The following GRIK2 variants were observed in gnomAD, a reference collection of about 807,000 sequenced individuals.
GRIK2 encodes glutamate receptor ionotropic, kainate 2.
GRIK2 carries 32 observed loss-of-function variants against 100.3 expected under a neutral mutation model. That is an observed-to-expected ratio of 0.32 (90% confidence interval 0.24 to 0.43). The LOEUF (loss-of-function observed/expected upper bound fraction) is 0.43. Among genes scored for constraint, GRIK2 ranks in the 20% least tolerant of loss-of-function variants. The pLI is 1.00. For missense variants in GRIK2, 843 were observed against 1,114.9 expected, an observed-to-expected ratio of 0.76 and a Z score of 3.47; for synonymous variants, 417 against 389.4, an observed-to-expected ratio of 1.07 and a Z score of -0.83.
At chr6:101,401,235 A>G (rs1479223286) in intron 2 of GRIK2, among the ~76,000 whole-genome samples, 1 of 152,172 alleles carries the variant, frequency 6.6e-6, no homozygotes, top group Non-Finnish European at 1.5e-5. Context: ...TAAGGATTTA[A>G]TTATTGCCGC....
At chr6:101,602,146 A>G (rs1313804585) in intron 2 of GRIK2, among the ~76,000 whole-genome samples, 1 of 151,690 alleles carries the variant, frequency 6.6e-6, no homozygotes, top group African/African-American at 2.4e-5. Context: ...ATTTCAAAGA[A>G]TATTTTGTTC....
chr6:101,540,899 T>C (rs1305379121), intron 2 of GRIK2, among the ~76,000 whole-genome samples: 2 of 152,104 alleles, frequency 1.3e-5, no homozygotes, highest in African/African-American at 2.4e-5. Context: ...CTTTACATGA[T>C]ATATTAGAGC....
At chr6:101,634,705 T>G (rs539653155) in intron 4 of GRIK2, among the ~76,000 whole-genome samples, 1 of 152,194 alleles carries the variant, frequency 6.6e-6, no homozygotes, top group African/African-American at 2.4e-5. Context: ...TACATTCTTT[T>G]CATTAGTGAA....
intron 7 of GRIK2, among the ~76,000 whole-genome samples, chr6:101,728,097 A>G (rs973790581): frequency 6.6e-6 from 1 of 152,084 alleles, no homozygotes; most frequent in Admixed American, 6.6e-5. Context: ...ATAATCAAAA[A>G]TATCTAATTT....
chr6:101,467,957 G>A, intron 2 of GRIK2, among the ~76,000 whole-genome samples: 1 of 148,640 alleles, frequency 6.7e-6, no homozygotes, highest in African/African-American at 2.5e-5. Flanking sequence ...TGGCAAGGAT[G>A]TAGGAGTGTC....
At chr6:101,562,770 G>A (rs1380581380) in intron 2 of GRIK2, among the ~76,000 whole-genome samples, 1 of 152,008 alleles carries the variant, frequency 6.6e-6, no homozygotes, top group African/African-American at 2.4e-5. Context: ...CAAGTTGAGT[G>A]CCATATACTC....
chr6:101,576,703 CTATT>C (rs1374123707), intron 2 of GRIK2, among the ~76,000 whole-genome samples: 3 of 151,966 alleles, frequency 2.0e-5, no homozygotes, highest in Non-Finnish European at 2.9e-5. Flanking sequence ...ATTTAGGTAT[CTATT>C]TAAGAAAAAT....
chr6:101,794,961 G>C (rs1780190045), intron 7 of GRIK2, among the ~76,000 whole-genome samples: 2 of 151,654 alleles, frequency 1.3e-5, no homozygotes, highest in African/African-American at 4.9e-5. Context: ...TGCCTCCCGG[G>C]TTCAAGCCAT....
chr6:101,397,130 T>C (rs1466428657), intron 1 of GRIK2, among the ~76,000 whole-genome samples: 1 of 152,172 alleles, frequency 6.6e-6, no homozygotes, highest in Non-Finnish European at 1.5e-5. Flanking sequence ...TTTTCTCAGG[T>C]TCCAATAAAT....
chr6:101,533,716 G>A lies in GRIK2; in HGVS notation c.116-88233G>A, dbSNP rs552865056. On this transcript the variant is annotated intron_variant, in intron 2 of 16. Transcript: ENST00000369134. ...GGGCAGTGCAGAGACAATGTGAATC[G>A]TGCTCTGGGTTTGAATGTAAGTGCC... Among the ~76,000 whole-genome samples, 189 of 152,008 alleles carry A rather than the reference G, an allele frequency of 1.2e-3. 1 individual carries two copies. The highest frequency in any genetic ancestry group is 4.0e-3 in the African/African-American group (167 of 41,498).
chr6:101,958,365 T>C (rs1792078407), intron 14 of GRIK2, among the ~76,000 whole-genome samples: 1 of 151,622 alleles, frequency 6.6e-6, no homozygotes, highest in South Asian at 2.1e-4. Context: ...CTGACCTTTA[T>C]ACATTGATTT....
intron 2 of GRIK2, among the ~76,000 whole-genome samples, chr6:101,420,821 A>G (rs1296877838): frequency 6.6e-6 from 1 of 152,142 alleles, no homozygotes; most frequent in African/African-American, 2.4e-5. Flanking sequence ...AGAGGTATTT[A>G]TATTGTATTA....
At chr6:101,721,311 T>C (rs1040354539) in intron 7 of GRIK2, among the ~76,000 whole-genome samples, 1 of 151,950 alleles carries the variant, frequency 6.6e-6, no homozygotes, top group Admixed American at 6.6e-5. Context: ...TCCCAACATT[T>C]TGGGAGGCCG....
At chr6:101,581,793 A>G (rs1778111565) in intron 2 of GRIK2, among the ~76,000 whole-genome samples, 1 of 152,188 alleles carries the variant, frequency 6.6e-6, no homozygotes, top group African/African-American at 2.4e-5. Flanking sequence ...ATAAAATGTT[A>G]GAAGTAAAAT....
chr6:101,615,422 A>G (rs966150224), intron 2 of GRIK2, among the ~76,000 whole-genome samples: 2 of 151,786 alleles, frequency 1.3e-5, no homozygotes, highest in Non-Finnish European at 3.0e-5. Flanking sequence ...ACTACACAGG[A>G]GTCTCCAGAT....
chr6:101,824,087 G>A (rs986511075), intron 10 of GRIK2, among the ~76,000 whole-genome samples: 32 of 151,914 alleles, frequency 2.1e-4, no homozygotes, highest in African/African-American at 7.0e-4. Context: ...CGGTGACCAT[G>A]TTGGTCAGGC....
At chr6:101,797,676 C>A (rs1349253983) in intron 7 of GRIK2, among the ~76,000 whole-genome samples, 4 of 24,504 alleles carry the variant, frequency 1.6e-4, no homozygotes, top group African/African-American at 9.0e-4. Context: ...CCATAATAAA[C>A]CATTATATAT....
chr6:101,443,266 C>G (rs1770182011), intron 2 of GRIK2, among the ~76,000 whole-genome samples: 1 of 152,054 alleles, frequency 6.6e-6, no homozygotes, highest in African/African-American at 2.4e-5. Flanking sequence ...TTTTACTTTT[C>G]AAGAATCAAA....
chr6:101,781,082 G>A (rs900517115), intron 7 of GRIK2, among the ~76,000 whole-genome samples: 5 of 151,776 alleles, frequency 3.3e-5, no homozygotes, highest in Non-Finnish European at 7.4e-5. Context: ...ATTTGTATTT[G>A]TTTATTTTGT....
Sources: allele counts gnomAD v4.1 joint callset (sites outside exome capture counted in the v4.1 genomes callset), GRCh38; gene constraint gnomAD v4.1.1; transcripts MANE v1.5; gene names NCBI Gene and HGNC (gene_info 2026-07-23, HGNC 2026-07-21).